The following ALOXE3 variants were observed in gnomAD, a reference collection of about 807,000 sequenced individuals.
ALOXE3 encodes the protein arachidonate epidermal lipoxygenase 3, also known as hydroperoxide isomerase ALOXE3.
A neutral mutation model predicts 87.5 loss-of-function variants in ALOXE3; 78 were observed. That is an observed-to-expected ratio of 0.89 (90% confidence interval 0.74 to 1.08). The LOEUF (loss-of-function observed/expected upper bound fraction) is 1.08. Among genes scored for constraint, ALOXE3 ranks in the 50% least tolerant of loss-of-function variants. ALOXE3 has a pLI of 0.00. For synonymous variants in ALOXE3, 363 were observed against 370.8 expected, an observed-to-expected ratio of 0.98 and a Z score of 0.24; for missense variants, 946 against 912.4, an observed-to-expected ratio of 1.04 and a Z score of -0.47.
intron 3 of ALOXE3, 45 bp from the exon 4 acceptor site, chr17:8,115,733 C>T (rs772881402): frequency 1.3e-6 from 2 of 1,573,502 alleles, no homozygotes; most frequent in African/African-American, 2.7e-5. Context: ...TCTTTTCCAA[C>T]AACATCTTCT....
At position 8,118,251 on chromosome 17, in the gene ALOXE3, A is replaced by T. The variant is rs1187639541; in HGVS notation, c.-261T>A. The stretch of plus-strand genomic sequence containing the variant: ...ATACTTGTTTGCTTGCCTCTGACAC[A>T]GCCGGTCCCTCTGGCTGGCTCACCC... On this transcript the variant is annotated 5_prime_UTR_variant, in exon 2 of 16. Coordinates refer to ENST00000448843, the MANE Select transcript of ALOXE3 (RefSeq NM_021628.3). 1 of 1,551,692 alleles carries T rather than the reference A, an allele frequency of 6.4e-7. No homozygotes were observed. The highest frequency in any genetic ancestry group is 1.2e-5 in the South Asian group (1 of 84,058).
At position 8,117,058 on chromosome 17, in the gene ALOXE3, A is replaced by C. The variant is rs3027228; in HGVS notation, c.148-78T>G. 0.11 allele frequency: 140,628 copies of C among 1,314,638 alleles called. 9,162 individuals carry two copies. Among genetic ancestry groups the C allele is most frequent in the African/African-American group, 0.28 (19,216 of 68,348 alleles). 81.4% of individuals were successfully genotyped at this position (1,314,638 alleles called of 1,614,324 possible). ...TCCTTGCGCCTTGCAAGATGCATCT[A>C]CACCTAAGCCTATTCGGGCATACAA... On this transcript the variant is annotated intron_variant, in intron 2 of 15. Transcript: ENST00000448843.
intron 13 of ALOXE3, among the ~76,000 whole-genome samples, chr17:8,107,851 AAG>A (rs1979486183): frequency 7.7e-4 from 2 of 2,586 alleles, no homozygotes; most frequent in South Asian, 0.014. Context: ...GAAAGAAAGA[AAG>A]AAAGAAAGAA....
At position 8,118,510 on chromosome 17, in the gene ALOXE3, C is replaced by T. The variant is rs1210986074; in HGVS notation, c.-338G>A. On this transcript the variant is annotated 5_prime_UTR_variant, in exon 1 of 16. Coordinates refer to ENST00000448843, the MANE Select transcript of ALOXE3 (RefSeq NM_021628.3). Reference sequence around the variant, plus strand: ...CCTGCATTCCTACGTGTGAATCATCCGTGTGAATCACTAAACAGTGGAGAG... The same window carrying T: ...CCTGCATTCCTACGTGTGAATCATCTGTGTGAATCACTAAACAGTGGAGAG... 1.3e-6 allele frequency: 2 copies of T among 1,538,664 alleles called. No homozygotes were observed. Among genetic ancestry groups the T allele is most frequent in the Non-Finnish European group, 1.7e-6 (2 of 1,143,954 alleles).
rs1978542012 is a variant in ALOXE3, at chr17:8,096,386, C to A, written c.*241G>T. On this transcript the variant is annotated 3_prime_UTR_variant, in exon 16 of 16. Transcript: ENST00000448843. ...AAGCGGTTCCTTCCTTTCGGAGGGG[C>A]TATTGTGCATTGGACTTTGGTCAGC... The A allele has an allele frequency of 1.9e-6, 1 of 536,188 alleles. No individual in the cohort carries two copies. The highest frequency in any genetic ancestry group is 3.2e-5 in the East Asian group (1 of 31,186). 33.2% of individuals were successfully genotyped at this position (536,188 alleles called of 1,614,324 possible).
In ALOXE3 at chr17:8,110,494, A is replaced by C; in HGVS notation, c.992T>G (p.Leu331Arg). 6.2e-7 allele frequency: 1 copy of C among 1,613,920 alleles called. No homozygotes were observed. Among genetic ancestry groups the C allele is most frequent in the Non-Finnish European group, 8.5e-7 (1 of 1,179,890 alleles). ...GNIFLADYWI[L>R]AEAPTHCLNG... is the part of the protein sequence containing the mutation. ...TAGGCAGTGGGTGGGGGCCTCCGCC[A>C]GGATCCAGTAGTCCGCTAGGAAGAT... is the stretch of plus-strand genomic sequence containing the variant. The change falls in exon 9 of 16, where the codon CTG (leucine) becomes CGG (arginine). Residue 331 changes from leucine (L) to arginine (R), a missense_variant. Leu to Arg is a moderately radical substitution (Grantham distance 102, BLOSUM62 -2). Transcript: ENST00000448843.
At chr17:8,103,063 A>G (rs1158816054) in intron 15 of ALOXE3, among the ~76,000 whole-genome samples, 1 of 152,214 alleles carries the variant, frequency 6.6e-6, no homozygotes, top group Non-Finnish European at 1.5e-5. Flanking sequence ...TGTTTATTGA[A>G]TGTTTGCATT....
rs1183028514 is a variant in ALOXE3, at chr17:8,103,419, G to A, written c.1860C>T (p.Thr620=). The change falls in exon 15 of 16, where the codon ACC becomes ACT. Residue 620 remains threonine, a synonymous_variant. Coordinates refer to ENST00000448843, the MANE Select transcript of ALOXE3 (RefSeq NM_021628.3). ...GGGTGTCTAGGTAAGTCTTCAGGGT[G>A]GTGGTCCCCTTGGTCTGGGGTGGGG... ...RQPPPQTKGT[T]TLKTYLDTLP... The A allele has an allele frequency of 6.2e-7, 1 of 1,614,164 alleles. No individual in the cohort carries two copies. The highest frequency in any genetic ancestry group is 8.5e-7 in the Non-Finnish European group (1 of 1,180,018).
chr17:8,116,996 C>G lies in ALOXE3; in HGVS notation c.148-16G>C. ...ACTTCTGTACCTGAGGGGACCAAGA[C>G]AGCAAGCAGGTGAGAGGCGGGGAAC... On this transcript the variant is annotated splice_polypyrimidine_tract_variant and intron_variant, in intron 2 of 15. Coordinates refer to ENST00000448843, the MANE Select transcript of ALOXE3 (RefSeq NM_021628.3). The G allele has an allele frequency of 1.2e-6, 2 of 1,611,666 alleles. No homozygotes were observed. The highest frequency in any genetic ancestry group is 8.5e-7 in the Non-Finnish European group (1 of 1,178,800).
At position 8,116,775 on chromosome 17, in the gene ALOXE3, C is replaced by T. The variant is rs1415942704; in HGVS notation, c.352+1G>A. ...CAGTGTAGTCCTCGTCTCTGGCCCA[C>T]CTGTTCCTGGCCTCAGCTCCACGGT... is the stretch of plus-strand genomic sequence containing the variant. On this transcript the variant is annotated splice_donor_variant, in intron 3 of 15. Transcript: ENST00000448843. LOFTEE classifies it high-confidence loss of function. The T allele has an allele frequency of 3.7e-6, 6 of 1,614,192 alleles. No homozygotes were observed. The highest frequency in any genetic ancestry group is 5.1e-6 in the Non-Finnish European group (6 of 1,180,010).
At chr17:8,118,617 A>T, upstream of ALOXE3, 2 of 1,535,468 alleles carry the variant, frequency 1.3e-6, no homozygotes, top group Non-Finnish European at 1.7e-6. Context: ...TCAAATGGTC[A>T]GGAACAGCTC....
At chr17:8,112,781 AT>A (rs142020703) in intron 6 of ALOXE3, among the ~76,000 whole-genome samples, 122 of 150,562 alleles carry the variant, frequency 8.1e-4, no homozygotes, top group African/African-American at 2.0e-3. Context: ...AGTGAGCACT[AT>A]TTTTTTTTTC....
At chr17:8,111,323 C>T (rs760182062) in intron 8 of ALOXE3, 36 bp downstream of exon 8, 1 of 1,611,320 alleles carries the variant, frequency 6.2e-7, no homozygotes, top group South Asian at 1.1e-5. Flanking sequence ...CACCCACCTC[C>T]CACCTATCAG....
intron 14 of ALOXE3, 74 bp downstream of exon 14, chr17:8,104,041 C>T (rs1235641834): frequency 1.5e-6 from 2 of 1,364,242 alleles, no homozygotes; most frequent in Non-Finnish European, 2.1e-6. Flanking sequence ...CCCACCCAAG[C>T]TCTCAACCCA....
chr17:8,113,415 G>A (rs978317734), intron 6 of ALOXE3, among the ~76,000 whole-genome samples: 3 of 152,220 alleles, frequency 2.0e-5, no homozygotes, highest in African/African-American at 7.2e-5. Flanking sequence ...CACTTTGGGA[G>A]GCCAAGATGG....
chr17:8,114,706 G>C, intron 5 of ALOXE3, 97 bp from the exon 6 acceptor site: 4 of 1,571,086 alleles, frequency 2.5e-6, no homozygotes, highest in Non-Finnish European at 3.5e-6. Flanking sequence ...CAAGTCCCTG[G>C]GTCTCTCTTA....
Position 8,110,304 on chromosome 17 carries a change from G to A in ALOXE3, c.1102-9C>T, listed in dbSNP as rs746133923. On this transcript the variant is annotated splice_polypyrimidine_tract_variant and intron_variant, in intron 9 of 15. Coordinates refer to ENST00000448843, the MANE Select transcript of ALOXE3 (RefSeq NM_021628.3). ...CCGGGGGTCTGGCTGAGCTGCGTCC[G>A]AAAGGAACGAGGGATGATGGGGCTC... The A allele has an allele frequency of 1.2e-6, 2 of 1,613,698 alleles. No homozygotes were observed. Among genetic ancestry groups the A allele is most frequent in the Non-Finnish European group, 1.7e-6 (2 of 1,179,698 alleles).
chr17:8,115,533 G>A, intron 4 of ALOXE3, 74 bp downstream of exon 4: 1 of 1,468,362 alleles, frequency 6.8e-7, no homozygotes, highest in South Asian at 1.1e-5. Context: ...AATGAGGTTA[G>A]AGTTAGGAAC....
chr17:8,109,756 G>A (rs1041324615), intron 11 of ALOXE3, among the ~76,000 whole-genome samples, 160 bp downstream of exon 11: 1 of 152,050 alleles, frequency 6.6e-6, no homozygotes, highest in Non-Finnish European at 1.5e-5. Flanking sequence ...GGAGACCGGC[G>A]GAGTGGGCGG....
Sources: allele counts gnomAD v4.1 joint callset (sites outside exome capture counted in the v4.1 genomes callset), GRCh38; gene constraint gnomAD v4.1.1; transcripts MANE v1.5; gene names NCBI Gene and HGNC (gene_info 2026-07-23, HGNC 2026-07-21).